PRLR: variants seen among roughly 807,000 people sequenced by gnomAD.
PRLR encodes hPRL receptor.
In PRLR, 13 loss-of-function variants were observed where a neutral mutation model predicts 40.2. The ratio of observed to expected loss-of-function variants is 0.32; its 90% CI spans 0.21 to 0.51. The LOEUF (loss-of-function observed/expected upper bound fraction) is 0.51. Ranked by LOEUF, PRLR falls within the 20% of genes least tolerant of loss-of-function variation. The pLI is 0.97. For missense variants in PRLR, 656 were observed against 747.3 expected (o/e 0.88, Z 1.42); for synonymous variants, 269 against 278.7 (o/e 0.97, Z 0.35).
In PRLR at chr5:35,182,542, C is replaced by G. The variant is rs76445716; in HGVS notation, c.-106+47726G>C. Among the ~76,000 whole-genome samples the G allele has an allele frequency of 9.2e-5, 14 of 152,332 alleles. No individual in the cohort carries two copies. The East Asian group carries it at 2.7e-3, about 29-fold the overall frequency. On this transcript the variant is annotated intron_variant, in intron 1 of 9. Coordinates refer to ENST00000618457, the MANE Select transcript of PRLR (RefSeq NM_000949.7). ...TGAAATAAGCTCATTCTGTCATATG[C>G]AGTTGATCATTTAGCACTGGGATGG...
chr5:35,075,798 G>A (rs1490755699), intron 5 of PRLR, among the ~76,000 whole-genome samples: 4 of 152,198 alleles, frequency 2.6e-5, no homozygotes, highest in African/African-American at 4.8e-5. Context: ...AGTAGGGGCC[G>A]ACTGACACCT....
At chr5:35,153,775 A>C (rs958348379) in intron 1 of PRLR, among the ~76,000 whole-genome samples, 28 of 148,452 alleles carry the variant, frequency 1.9e-4, no homozygotes, top group African/African-American at 5.2e-4. Flanking sequence ...ACACACACAC[A>C]CCCCATTGTT....
At position 35,067,383 on chromosome 5, in the gene PRLR, C is replaced by T. The variant is rs992237124; in HGVS notation, c.855+833G>A. On this transcript the variant is annotated intron_variant, in intron 9 of 9. Transcript: ENST00000618457. ...AGACATTCATGCTGGTTCTATCAGG[C>T]CAATGCTACACTGGATAGTGGAGGA... 3.3e-5 allele frequency among the ~76,000 whole-genome samples: 5 copies of T among 152,078 alleles called. No homozygotes were observed. In the East Asian group the frequency reaches 7.7e-4, roughly 24 times the overall value.
rs545441457 is a variant in PRLR, at chr5:35,109,625, A to G, written c.-44+8436T>C. On this transcript the variant is annotated intron_variant, in intron 2 of 9. Transcript: ENST00000618457. ...ACAGACACATGAAAAAATGCTCATC[A>G]TCACTGGCCATCAGAGAAATGCAAA... Among the ~76,000 whole-genome samples the G allele has an allele frequency of 2.6e-5, 4 of 152,370 alleles. No individual in the cohort carries two copies. In the South Asian group the frequency reaches 6.2e-4, roughly 24 times the overall value.
intron 1 of PRLR, among the ~76,000 whole-genome samples, chr5:35,210,736 G>A (rs1011298372): frequency 6.6e-6 from 1 of 151,852 alleles, no homozygotes; most frequent in Non-Finnish European, 1.5e-5. Flanking sequence ...TTTGAGACAG[G>A]TCTAACTCTG....
intron 1 of PRLR, among the ~76,000 whole-genome samples, chr5:35,167,424 G>A (rs1262268431): frequency 1.3e-5 from 2 of 152,052 alleles, no homozygotes; most frequent in Non-Finnish European, 2.9e-5. Flanking sequence ...ATCCAGGGAT[G>A]AGAGAATCAC....
chr5:35,130,751 A>C (rs1773643424), intron 1 of PRLR, among the ~76,000 whole-genome samples: 2 of 152,208 alleles, frequency 1.3e-5, no homozygotes, highest in Admixed American at 1.3e-4. Flanking sequence ...CCTCATTTGG[A>C]AATAGGGTCC....
chr5:35,176,637 T>C (rs1775156091), intron 1 of PRLR, among the ~76,000 whole-genome samples: 2 of 152,168 alleles, frequency 1.3e-5, no homozygotes, highest in Admixed American at 6.5e-5. Flanking sequence ...TTAAGAGTCA[T>C]CACCACTCCC....
At chr5:35,163,534 G>T (rs150968273) in intron 1 of PRLR, among the ~76,000 whole-genome samples, 1 of 152,342 alleles carries the variant, frequency 6.6e-6, no homozygotes, top group East Asian at 1.9e-4. Flanking sequence ...AACATGAGTG[G>T]AAGGAGTGAG....
chr5:35,228,232 C>CAAAAAA (rs55934270), intron 1 of PRLR, among the ~76,000 whole-genome samples: 8 of 87,438 alleles, frequency 9.1e-5, no homozygotes, highest in African/African-American at 3.1e-4. Context: ...AACAACCATG[C>CAAAAAA]AAAAAAAAAA....
intron 5 of PRLR, among the ~76,000 whole-genome samples, chr5:35,074,101 G>A (rs1769916443): frequency 6.6e-6 from 1 of 152,116 alleles, no homozygotes; most frequent in African/African-American, 2.4e-5. Flanking sequence ...AATTTTCATG[G>A]CAGCACTATT....
chr5:35,050,226 T>A (rs1159336935), intron 8 of PRLR, among the ~76,000 whole-genome samples: 4 of 152,216 alleles, frequency 2.6e-5, no homozygotes, highest in Non-Finnish European at 5.9e-5. Flanking sequence ...AAGATGTTTG[T>A]TCTTTTGAAC....
At chr5:35,221,263 G>C (rs1776411700) in intron 1 of PRLR, among the ~76,000 whole-genome samples, 1 of 152,184 alleles carries the variant, frequency 6.6e-6, no homozygotes, top group Admixed American at 6.5e-5. Flanking sequence ...GTTAACTAAA[G>C]ATTAACATAG....
chr5:35,136,580 A>G (rs1305929676), intron 1 of PRLR, among the ~76,000 whole-genome samples: 1 of 152,204 alleles, frequency 6.6e-6, no homozygotes, highest in Non-Finnish European at 1.5e-5. Flanking sequence ...TGGGAGAGGC[A>G]GCATCAGGGT....
chr5:35,089,020 A>G (rs892732714), intron 3 of PRLR, among the ~76,000 whole-genome samples: 1 of 152,244 alleles, frequency 6.6e-6, no homozygotes, highest in Non-Finnish European at 1.5e-5. Context: ...ACAGAAGTGT[A>G]TAGTCACAGG....
At chr5:35,192,752 T>C (rs920239568) in intron 1 of PRLR, among the ~76,000 whole-genome samples, 1 of 152,238 alleles carries the variant, frequency 6.6e-6, no homozygotes, top group Non-Finnish European at 1.5e-5. Flanking sequence ...CAGATTCTTG[T>C]GAGACACAGA....
At chr5:35,132,256 G>A (rs1435436382) in intron 1 of PRLR, among the ~76,000 whole-genome samples, 1 of 152,138 alleles carries the variant, frequency 6.6e-6, no homozygotes, top group Non-Finnish European at 1.5e-5. Flanking sequence ...GGTCTCTAAA[G>A]TCTCTAGTCT....
At chr5:35,103,646 A>G (rs915746862) in intron 2 of PRLR, among the ~76,000 whole-genome samples, 3 of 152,230 alleles carry the variant, frequency 2.0e-5, no homozygotes, top group African/African-American at 4.8e-5. Flanking sequence ...CACTCTTCTT[A>G]GTAGTTTACC....
chr5:35,071,469 T>C (rs1769741843), intron 6 of PRLR, among the ~76,000 whole-genome samples: 1 of 152,260 alleles, frequency 6.6e-6, no homozygotes, highest in Non-Finnish European at 1.5e-5. Context: ...GTGATCCTAT[T>C]ATTTTGGCTA....
Sources: allele counts gnomAD v4.1 joint callset (sites outside exome capture counted in the v4.1 genomes callset), GRCh38; gene constraint gnomAD v4.1.1; transcripts MANE v1.5; gene names NCBI Gene and HGNC (gene_info 2026-07-23, HGNC 2026-07-21).